The following CDH13 variants were observed in gnomAD, a reference collection of about 807,000 sequenced individuals.
CDH13 encodes cadherin 13.
Under a neutral mutation model 63.8 loss-of-function variants are expected in CDH13, and 24 were observed. The ratio of observed to expected loss-of-function variants is 0.38; its 90% confidence interval spans 0.27 to 0.53. CDH13 has a LOEUF of 0.53. CDH13 is among the 20% of genes least tolerant of loss of function. The pLI, the probability that CDH13 is intolerant of heterozygous loss-of-function variation, is 0.85. For synonymous variants in CDH13, 503 were observed against 355.3 expected (o/e 1.42, Z -4.67); for missense variants, 1,049 against 903.1 (o/e 1.16, Z -2.07).
intron 4 of CDH13, among the ~76,000 whole-genome samples, chr16:83,172,168 C>G (rs779958061): frequency 3.3e-5 from 5 of 152,020 alleles, no homozygotes; most frequent in Non-Finnish European, 5.9e-5. Flanking sequence ...TGGAGATAGA[C>G]TCACACTCAG....
intron 1 of CDH13, among the ~76,000 whole-genome samples, chr16:82,833,536 C>G (rs1007474338): frequency 1.5e-4 from 23 of 152,358 alleles, no homozygotes; most frequent in African/African-American, 4.6e-4. Flanking sequence ...AAAGCATGGT[C>G]TGAGTGCTTC....
chr16:83,426,555 A>T (rs1448830458), intron 6 of CDH13, among the ~76,000 whole-genome samples: 1 of 146,300 alleles, frequency 6.8e-6, no homozygotes, highest in East Asian at 2.0e-4. Context: ...TCATGTGGTT[A>T]CCTTTTTGCC....
At chr16:82,736,719 C>A (rs181069121) in intron 1 of CDH13, among the ~76,000 whole-genome samples, 2 of 152,270 alleles carry the variant, frequency 1.3e-5, no homozygotes, top group Non-Finnish European at 2.9e-5. Context: ...TCAGGCTACA[C>A]AGTCACTCTC....
chr16:83,781,929 T>TA (rs1378293373), intron 12 of CDH13, among the ~76,000 whole-genome samples: 208 of 137,178 alleles, frequency 1.5e-3, no homozygotes, highest in Non-Finnish European at 2.5e-3. Flanking sequence ...GAACTTCAAT[T>TA]AAAAAAAAAA....
At chr16:82,811,929 CT>C (rs1567559716) in intron 1 of CDH13, among the ~76,000 whole-genome samples, 2 of 152,082 alleles carry the variant, frequency 1.3e-5, no homozygotes, top group Non-Finnish European at 2.9e-5. Context: ...TTTGAAGTGC[CT>C]TTTGAGTATC....
At chr16:82,647,193 G>A (rs576103633) in intron 1 of CDH13, among the ~76,000 whole-genome samples, 1 of 152,206 alleles carries the variant, frequency 6.6e-6, no homozygotes, top group Non-Finnish European at 1.5e-5. Flanking sequence ...TAGCTGATAT[G>A]ACTGGGATGG....
chr16:83,320,964 A>G (rs2090211165), intron 5 of CDH13, among the ~76,000 whole-genome samples: 2 of 152,242 alleles, frequency 1.3e-5, no homozygotes, highest in South Asian at 4.1e-4. Flanking sequence ...AGTCTTTGGA[A>G]AATGCTAAGT....
At chr16:83,726,825 C>G (rs564409557) in intron 10 of CDH13, among the ~76,000 whole-genome samples, 1 of 94,560 alleles carries the variant, frequency 1.1e-5, no homozygotes, top group East Asian at 3.1e-4. Context: ...GGCGACAGAG[C>G]AAGACTCTGT....
chr16:83,062,869 GGCACCTTGGTGATTCTTTGCAT>G (rs1249896278), intron 3 of CDH13, among the ~76,000 whole-genome samples: 4 of 151,984 alleles, frequency 2.6e-5, no homozygotes, highest in Admixed American at 1.3e-4. Flanking sequence ...TCATACACCT[GGCACCTTGGTGATTCTTTGCAT>G]GCACCTTGGT....
chr16:83,691,199 G>C (rs765813276), intron 10 of CDH13, among the ~76,000 whole-genome samples: 3 of 152,092 alleles, frequency 2.0e-5, no homozygotes, highest in Non-Finnish European at 2.9e-5. Flanking sequence ...GCACATCTCT[G>C]AGCTTTGCAA....
intron 1 of CDH13, among the ~76,000 whole-genome samples, chr16:82,672,517 G>T (rs114869806): frequency 1.3e-3 from 199 of 151,882 alleles, no homozygotes; most frequent in African/African-American, 4.7e-3. Context: ...ACCCGGATTC[G>T]AAACGTCCAG....
intron 4 of CDH13, among the ~76,000 whole-genome samples, chr16:83,186,836 A>T (rs112031028): frequency 0.012 from 1,861 of 152,280 alleles, 28 homozygotes; most frequent in African/African-American, 0.041. Flanking sequence ...TGATGGGGAG[A>T]AGGAGCTGAA....
intron 5 of CDH13, among the ~76,000 whole-genome samples, chr16:83,265,242 G>A (rs887817473): frequency 1.4e-4 from 22 of 151,968 alleles, no homozygotes; most frequent in African/African-American, 5.1e-4. Flanking sequence ...CATCAAACTG[G>A]GAACTCTGTT....
chr16:83,057,311 G>A (rs1200949110), intron 3 of CDH13, among the ~76,000 whole-genome samples: 7 of 152,026 alleles, frequency 4.6e-5, no homozygotes, highest in Admixed American at 3.3e-4. Context: ...TAATACTTGT[G>A]GTTACCTTTG....
chr16:82,717,627 G>A (rs535202998), intron 1 of CDH13, among the ~76,000 whole-genome samples: 7 of 152,184 alleles, frequency 4.6e-5, no homozygotes, highest in African/African-American at 1.4e-4. Flanking sequence ...CCCTGGCTCC[G>A]TGGTCCCATG....
chr16:83,571,777 A>G (rs1904645873), intron 7 of CDH13, among the ~76,000 whole-genome samples: 3 of 152,240 alleles, frequency 2.0e-5, no homozygotes, highest in African/African-American at 7.2e-5. Flanking sequence ...CTTTTCGCTC[A>G]TATCCTGTGG....
At chr16:83,077,032 T>C (rs765801588) in intron 3 of CDH13, among the ~76,000 whole-genome samples, 14 of 151,996 alleles carry the variant, frequency 9.2e-5, no homozygotes, top group Non-Finnish European at 1.6e-4. Context: ...AGGCCACCAA[T>C]ATTCTGATTT....
intron 2 of CDH13, among the ~76,000 whole-genome samples, chr16:82,933,510 T>A (rs1359948015): frequency 1.3e-5 from 2 of 152,132 alleles, no homozygotes; most frequent in East Asian, 3.9e-4. Flanking sequence ...ATTCTGCCAC[T>A]TGCCCCTCTC....
intron 4 of CDH13, among the ~76,000 whole-genome samples, chr16:83,212,673 A>C (rs1236850153): frequency 6.6e-6 from 1 of 152,286 alleles, no homozygotes; most frequent in Non-Finnish European, 1.5e-5. Flanking sequence ...AGCATCAGTG[A>C]TACTCAACAG....
Sources: gnomAD v4.1 joint callset for allele counts (sites outside exome capture counted in the v4.1 genomes callset) on GRCh38, gnomAD v4.1.1 for gene constraint, MANE v1.5 for transcripts, NCBI Gene and HGNC (gene_info 2026-07-23, HGNC 2026-07-21) for gene names.